The following NEGR1 variants were observed in gnomAD, a reference collection of about 807,000 sequenced individuals.
The protein encoded by NEGR1 is neuronal growth regulator 1, also known as IgLON family member 4.
Under a neutral mutation model 40.9 loss-of-function variants are expected in NEGR1, and 10 were observed. The ratio of observed to expected loss-of-function variants is 0.24; its 90% confidence interval spans 0.15 to 0.42. The LOEUF (loss-of-function observed/expected upper bound fraction) is 0.42. NEGR1 is among the 10% of genes least tolerant of loss of function. The pLI, the probability that NEGR1 is intolerant of heterozygous loss-of-function variation, is 1.00. For missense variants in NEGR1, 352 were observed against 438.9 expected, an observed-to-expected ratio of 0.80 and a Z score of 1.77; for synonymous variants, 185 against 166.8, an observed-to-expected ratio of 1.11 and a Z score of -0.84.
intron 1 of NEGR1, among the ~76,000 whole-genome samples, chr1:72,176,768 A>T (rs1378356399): frequency 6.6e-6 from 1 of 152,080 alleles, no homozygotes; most frequent in Non-Finnish European, 1.5e-5. Context: ...GGAACAAATC[A>T]TGGGAAGCCT....
At position 71,501,634 on chromosome 1, in the gene NEGR1, T is replaced by C. The variant is rs912396668; in HGVS notation, c.940+91183A>G. ...GTGAAATTAAAGATATCAATGATTC[T>C]ATGTCGATACAAGTATGTCCACTCA... On this transcript the variant is annotated intron_variant, in intron 6 of 6. Transcript: ENST00000357731. 1.1e-4 allele frequency among the ~76,000 whole-genome samples: 17 copies of C among 152,260 alleles called. No homozygotes were observed. In the East Asian group the frequency reaches 2.3e-3, roughly 21 times the overall value.
At chr1:71,447,290 C>T (rs1646589307) in intron 6 of NEGR1, among the ~76,000 whole-genome samples, 1 of 151,984 alleles carries the variant, frequency 6.6e-6, no homozygotes, top group Admixed American at 6.5e-5. Flanking sequence ...GTTCCTGGTG[C>T]CAAAAAAAAT....
chr1:72,117,545 G>A (rs1649629236), intron 1 of NEGR1, among the ~76,000 whole-genome samples: 1 of 151,596 alleles, frequency 6.6e-6, no homozygotes, highest in Non-Finnish European at 1.5e-5. Context: ...CTGGGGAGGG[G>A]GAATAAATCC....
chr1:71,638,851 T>C (rs1651252353), intron 4 of NEGR1, among the ~76,000 whole-genome samples: 1 of 152,052 alleles, frequency 6.6e-6, no homozygotes, highest in East Asian at 1.9e-4. Context: ...CCCTTTAAAA[T>C]GCCCTTTTCC....
intron 6 of NEGR1, among the ~76,000 whole-genome samples, chr1:71,419,935 T>C (rs1440833305): frequency 2.0e-5 from 3 of 150,338 alleles, no homozygotes; most frequent in Non-Finnish European, 3.0e-5. Flanking sequence ...AAAGAAAACA[T>C]GCACAGTGAT....
At chr1:71,829,817 T>C (rs1328675319) in intron 2 of NEGR1, among the ~76,000 whole-genome samples, 1 of 151,946 alleles carries the variant, frequency 6.6e-6, no homozygotes, top group Non-Finnish European at 1.5e-5. Flanking sequence ...ATCCTAAATA[T>C]TGCAGCACAA....
chr1:71,415,969 C>T (rs1646352125), intron 6 of NEGR1, among the ~76,000 whole-genome samples: 1 of 152,016 alleles, frequency 6.6e-6, no homozygotes. Context: ...GTGTGAAATA[C>T]ATTTGCACAA....
At chr1:71,724,045 C>T (rs1363704004) in intron 3 of NEGR1, among the ~76,000 whole-genome samples, 2 of 152,066 alleles carry the variant, frequency 1.3e-5, no homozygotes, top group South Asian at 2.1e-4. Context: ...TTTCTATCTA[C>T]GTTTCTTATT....
At chr1:71,637,547 G>A (rs1651195900) in intron 4 of NEGR1, among the ~76,000 whole-genome samples, 1 of 151,750 alleles carries the variant, frequency 6.6e-6, no homozygotes, top group Admixed American at 6.6e-5. Flanking sequence ...AAGTCTAAAT[G>A]TTCACTGCTT....
intron 1 of NEGR1, among the ~76,000 whole-genome samples, chr1:72,194,410 T>C (rs918385655): frequency 6.6e-6 from 1 of 151,940 alleles, no homozygotes; most frequent in Admixed American, 6.6e-5. Context: ...AGTAAGAACA[T>C]TTTTATCAGG....
intron 1 of NEGR1, among the ~76,000 whole-genome samples, chr1:71,989,406 T>C (rs775479363): frequency 6.2e-4 from 95 of 152,294 alleles, no homozygotes; most frequent in Non-Finnish European, 1.1e-3. Flanking sequence ...GTCAGAATAC[T>C]CAATATATGA....
chr1:72,106,703 C>A (rs753146452), intron 1 of NEGR1, among the ~76,000 whole-genome samples: 1 of 151,892 alleles, frequency 6.6e-6, no homozygotes, highest in African/African-American at 2.4e-5. Flanking sequence ...GTCCATCAAA[C>A]ATTTCAACAA....
chr1:72,138,592 AG>A, intron 1 of NEGR1, among the ~76,000 whole-genome samples: 1 of 152,146 alleles, frequency 6.6e-6, no homozygotes, highest in African/African-American at 2.4e-5. Context: ...AATAGAAAAA[AG>A]GTTATTTCAG....
intron 2 of NEGR1, among the ~76,000 whole-genome samples, chr1:71,817,398 T>C (rs1658263214): frequency 6.6e-6 from 1 of 152,094 alleles, no homozygotes; most frequent in Non-Finnish European, 1.5e-5. Context: ...TGGAAAAGCT[T>C]AGTTAGACGT....
At chr1:72,021,818 C>T (rs979905066) in intron 1 of NEGR1, among the ~76,000 whole-genome samples, 3 of 152,086 alleles carry the variant, frequency 2.0e-5, no homozygotes, top group African/African-American at 4.8e-5. Context: ...AATTGATAAT[C>T]CAAAGTTAAA....
At chr1:71,608,019 T>C (rs1650123778) in intron 5 of NEGR1, among the ~76,000 whole-genome samples, 1 of 152,204 alleles carries the variant, frequency 6.6e-6, no homozygotes, top group African/African-American at 2.4e-5. Flanking sequence ...AATAATTGAA[T>C]GGCCTGGGCG....
intron 1 of NEGR1, among the ~76,000 whole-genome samples, chr1:72,088,131 G>A (rs567125941): frequency 2.2e-4 from 34 of 152,138 alleles, no homozygotes; most frequent in Non-Finnish European, 4.0e-4. Context: ...TTCTTTGATG[G>A]CTAATTAAAT....
chr1:72,145,655 T>C (rs998273913), intron 1 of NEGR1, among the ~76,000 whole-genome samples: 1 of 152,138 alleles, frequency 6.6e-6, no homozygotes, highest in Non-Finnish European at 1.5e-5. Flanking sequence ...TTTAGTTGTA[T>C]AAGACACATC....
At chr1:71,746,843 C>A (rs1019047984) in intron 3 of NEGR1, among the ~76,000 whole-genome samples, 2 of 152,058 alleles carry the variant, frequency 1.3e-5, no homozygotes, top group Non-Finnish European at 2.9e-5. Context: ...TCTACAGTTC[C>A]AGTTCCCTTT....
Sources: allele counts gnomAD v4.1 joint callset (sites outside exome capture counted in the v4.1 genomes callset), GRCh38; gene constraint gnomAD v4.1.1; transcripts MANE v1.5; gene names NCBI Gene and HGNC (gene_info 2026-07-23, HGNC 2026-07-21).